CROCC2: variants seen among roughly 807,000 people sequenced by gnomAD.
CROCC2 encodes ciliary rootlet coiled-coil protein 2.
In CROCC2, 163 loss-of-function variants were observed where a neutral mutation model predicts 177.6. The observed-to-expected ratio is 0.92, with a 90% CI of 0.81 to 1.05. CROCC2 has a LOEUF of 1.05. CROCC2 is among the 50% of genes least tolerant of loss of function. The pLI is 0.00. For synonymous variants in CROCC2, 904 were observed against 787.3 expected (o/e 1.15, Z -2.48); for missense variants, 1,929 against 1,797.8 (o/e 1.07, Z -1.32).
intron 19 of CROCC2, 65 bp from the exon 20 acceptor site, chr2:240,959,235 CT>C: frequency 6.6e-7 from 1 of 1,523,232 alleles, no homozygotes; most frequent in Admixed American, 2.0e-5. Flanking sequence ...GGGTCCTGGC[CT>C]TACCTCACCC....
chr2:240,929,732 G>T (rs754485954), intron 5 of CROCC2: 1 of 460,736 alleles, frequency 2.2e-6, no homozygotes, highest in South Asian at 1.5e-5. Context: ...AAGGCAGCCC[G>T]TCCTCTTCCA....
chr2:240,991,363 G>A, intron 31 of CROCC2, 85 bp downstream of exon 31: 2 of 1,244,924 alleles, frequency 1.6e-6, no homozygotes, highest in Non-Finnish European at 1.1e-6. Context: ...GAAGGTGCTG[G>A]AGGCCCTAGG....
At chr2:240,925,197 A>G (rs925023621) in intron 4 of CROCC2, among the ~76,000 whole-genome samples, 2 of 152,228 alleles carry the variant, frequency 1.3e-5, no homozygotes, top group Admixed American at 6.5e-5. Flanking sequence ...AAATAACCCA[A>G]GAGGAGGCTT....
Position 240,918,002 on chromosome 2 carries a change from G to A in CROCC2, c.79-724G>A, listed in dbSNP as rs2059331353. 6.6e-6 allele frequency among the ~76,000 whole-genome samples: 1 copy of A among 152,204 alleles called. No individual in the cohort carries two copies. Among genetic ancestry groups the A allele is most frequent in the Admixed American group, 6.5e-5 (1 of 15,292 alleles). On this transcript the variant is annotated intron_variant, in intron 1 of 31. Transcript: ENST00000690015. The surrounding 1 kb of genome is among the most constrained non-coding windows in gnomAD (Gnocchi z 6.3). Reference sequence around the variant, plus strand: ...AGGCTGGGGTACCCAGGACACCCAGGCACTCCTGGGGCAGAAGGGCAGCCA... The same window carrying A: ...AGGCTGGGGTACCCAGGACACCCAGACACTCCTGGGGCAGAAGGGCAGCCA...
chr2:240,946,177 C>T lies in CROCC2; in HGVS notation c.2287C>T (p.Arg763Trp), dbSNP rs1185745477. ...AGGAAAGGATGCTCTGTCTGAGGAG[C>T]GGGCCCAGCTGCTGGCCAAGCAGGA... ...LQGKDALSEE[R>W]AQLLAKQEAL... The change falls in exon 15 of 32, where the codon CGG becomes TGG. Residue 763 changes from arginine (R) to tryptophan (W), a missense_variant. By Grantham distance (101) the Arg-to-Trp change is moderately radical. Transcript: ENST00000690015. 10 of 1,547,682 alleles carry T rather than the reference C, an allele frequency of 6.5e-6. No homozygotes were observed. The highest frequency in any genetic ancestry group is 2.4e-5 in the East Asian group (1 of 40,834).
intron 1 of CROCC2, among the ~76,000 whole-genome samples, chr2:240,909,300 C>T (rs369427108): frequency 9.9e-6 from 1 of 101,304 alleles, no homozygotes; most frequent in Non-Finnish European, 1.9e-5. Context: ...CCTCGGGTGA[C>T]CTCTACCTCC....
intron 20 of CROCC2, among the ~76,000 whole-genome samples, chr2:240,961,357 G>A (rs1343687999): frequency 4.0e-5 from 6 of 148,538 alleles, no homozygotes; most frequent in African/African-American, 7.5e-5. Context: ...ACACACTCAC[G>A]CTGGAATCAC....
intron 1 of CROCC2, among the ~76,000 whole-genome samples, chr2:240,914,489 C>T (rs1426309406): frequency 6.6e-6 from 1 of 152,248 alleles, no homozygotes; most frequent in African/African-American, 2.4e-5. Flanking sequence ...CAGCCCCAGC[C>T]TCCGTTCTAC....
In CROCC2 at chr2:240,960,533, G is replaced by A. The variant is rs2059624526; in HGVS notation, c.3087+1089G>A. 6.6e-6 allele frequency among the ~76,000 whole-genome samples: 1 copy of A among 152,190 alleles called. No individual in the cohort carries two copies. The highest frequency in any genetic ancestry group is 2.4e-5 in the African/African-American group (1 of 41,454). On this transcript the variant is annotated intron_variant, in intron 20 of 31. Coordinates refer to ENST00000690015, the MANE Select transcript of CROCC2 (RefSeq NM_001351305.2). This position sits in a 1 kb window ranked among gnomAD's most constrained non-coding sequence, Gnocchi z 5.0. ...GGGACGCCTGTGTGTGGCAAGGGCA[G>A]GAGGGCACGCGGATCTGGGCTAGAG...
chr2:240,933,754 C>G lies in CROCC2; in HGVS notation c.1548C>G (p.Ala516=), dbSNP rs753076677. The change falls in exon 11 of 32, where the codon GCC becomes GCG. Residue 516 remains alanine (A), a synonymous_variant. Transcript: ENST00000690015. ...ATGCGGAGAAGCAGGGGCTGGAGGC[C>G]GAGGCTGCAGAGCTGCAGAGAAGCC... The part of the protein sequence containing the change: ...AADAEKQGLE[A]EAAELQRSLL... 6.5e-7 allele frequency: 1 copy of G among 1,549,754 alleles called. No individual in the cohort carries two copies. The highest frequency in any genetic ancestry group is 1.4e-5 in the African/African-American group (1 of 73,022).
At chr2:240,920,266 A>G (rs986596191) in intron 3 of CROCC2, 132 bp downstream of exon 3, 18 of 582,306 alleles carry the variant, frequency 3.1e-5, no homozygotes, top group African/African-American at 2.8e-4. Flanking sequence ...ACAGAGTGTC[A>G]GCCACGTGAC....
chr2:240,952,648 T>C (rs986018836), intron 18 of CROCC2, among the ~76,000 whole-genome samples: 2 of 152,198 alleles, frequency 1.3e-5, no homozygotes, highest in Non-Finnish European at 2.9e-5. Context: ...TGTCTGGGCA[T>C]GGCATGAAGT....
At position 240,968,316 on chromosome 2, in the gene CROCC2, G is replaced by A. The variant is rs959400921; in HGVS notation, c.4401+54G>A. 66 of 1,487,684 alleles carry A rather than the reference G, an allele frequency of 4.4e-5. No homozygotes were observed. The Admixed American group carries it at 5.5e-4, about 12-fold the overall frequency. The allele number at this position is 1,487,684 out of a possible 1,614,324, so 92.2% of individuals were successfully genotyped here. A position where few individuals can be genotyped will look rare whatever the true frequency, so the allele number is the denominator to read the frequency against. The stretch of plus-strand genomic sequence containing the variant: ...GTGGGGCACAAGAACAAGGCCTCTC[G>A]GTCACCCTCACACCCTGCAGGGAGG... On this transcript the variant is annotated intron_variant, in intron 27 of 31. Transcript: ENST00000690015.
rs530950887 is a variant in CROCC2 at position 240,934,473 on chromosome 2, C to T, written c.1789C>T (p.Arg597Trp). ...GGAGGGACTGCGCAGCGCCCTGGCG[C>T]GGGTACACTCTGCTCCCCACAACCC... ...EREGLRSALA[R>W]AECSNADLEL... The change falls in exon 12 of 32, where the codon CGG (arginine) becomes TGG (tryptophan). Residue 597 changes from arginine to tryptophan, a missense_variant and splice_region_variant. Physicochemically the swap from Arg to Trp is moderately radical, Grantham distance 101. This residue lies in a region of CROCC2 where 1,397 missense variants were observed against 1,239.9 expected (regional missense o/e 1.13). Coordinates refer to ENST00000690015, the MANE Select transcript of CROCC2 (RefSeq NM_001351305.2). The T allele has an allele frequency of 2.0e-4, 302 of 1,547,548 alleles. No homozygotes were observed. The African/African-American group carries it at 3.5e-3, about 18-fold the overall frequency.
chr2:240,922,200 G>T (rs2059361293), intron 3 of CROCC2, among the ~76,000 whole-genome samples: 1 of 152,210 alleles, frequency 6.6e-6, no homozygotes, highest in Non-Finnish European at 1.5e-5. Flanking sequence ...ATGAAATGTG[G>T]GCATGCTCCA....
chr2:240,956,761 G>A (rs1367666619), intron 19 of CROCC2, among the ~76,000 whole-genome samples: 2 of 152,210 alleles, frequency 1.3e-5, no homozygotes, highest in Non-Finnish European at 2.9e-5. Flanking sequence ...CATGGGCAAG[G>A]CTGGACACCC....
intron 27 of CROCC2, among the ~76,000 whole-genome samples, chr2:240,975,012 A>T (rs1174958206): frequency 6.6e-6 from 1 of 151,720 alleles, no homozygotes; most frequent in East Asian, 1.9e-4. Flanking sequence ...ATCTTTGTTT[A>T]TGCTCCTGCT....
rs922167568 is a variant in CROCC2, at chr2:240,949,703, G to A, written c.2652+1G>A. The A allele has an allele frequency of 2.0e-6, 3 of 1,537,012 alleles. No individual in the cohort carries two copies. Among genetic ancestry groups the A allele is most frequent in the Non-Finnish European group, 1.8e-6 (2 of 1,138,262 alleles). ...CCTGGCACAGCTCCAAAGGGAGAAGGTCTGCTTCCCAGGAGCCCACCAGTA... is the reference window on the plus strand; with the variant it reads ...CCTGGCACAGCTCCAAAGGGAGAAGATCTGCTTCCCAGGAGCCCACCAGTA... On this transcript the variant is annotated splice_donor_variant, in intron 17 of 31. Coordinates refer to ENST00000690015, the MANE Select transcript of CROCC2 (RefSeq NM_001351305.2). LOFTEE classifies it high-confidence loss of function. The surrounding 1 kb of genome is among the most constrained non-coding windows in gnomAD (Gnocchi z 4.5).
At chr2:240,942,976 T>A (rs1223493388) in intron 14 of CROCC2, among the ~76,000 whole-genome samples, 1 of 152,216 alleles carries the variant, frequency 6.6e-6, no homozygotes, top group African/African-American at 2.4e-5. Context: ...TTACTACTTC[T>A]GAATTATAAA....
Sources: allele counts gnomAD v4.1 joint callset (sites outside exome capture counted in the v4.1 genomes callset), GRCh38; gene constraint gnomAD v4.1.1; regional missense constraint gnomAD v4.1.1; non-coding constraint Gnocchi (gnomAD v3.1); transcripts MANE v1.5; gene names NCBI Gene and HGNC (gene_info 2026-07-23, HGNC 2026-07-21).